The following SBF2 variants were observed in gnomAD, a reference collection of about 807,000 sequenced individuals.
SBF2 encodes myotubularin-related protein 13.
In SBF2, 112 loss-of-function variants were observed where a neutral mutation model predicts 225.2. That is an observed-to-expected ratio of 0.50 (90% CI 0.43 to 0.58). The LOEUF (loss-of-function observed/expected upper bound fraction) is 0.58. Ranked by LOEUF, SBF2 falls within the 20% of genes least tolerant of loss-of-function variation. The pLI, the probability that SBF2 is intolerant of heterozygous loss-of-function variation, is 0.00. For missense variants in SBF2, 1,996 were observed against 2,206.2 expected, an observed-to-expected ratio of 0.90 and a Z score of 1.91; for synonymous variants, 763 against 773.3, an observed-to-expected ratio of 0.99 and a Z score of 0.22.
intron 2 of SBF2, among the ~76,000 whole-genome samples, chr11:10,113,619 C>T (rs1429791345): frequency 6.6e-6 from 1 of 152,050 alleles, no homozygotes; most frequent in Non-Finnish European, 1.5e-5. Context: ...AAAACATGAT[C>T]CGTGCCCTTA....
At chr11:9,828,176 A>G (rs529895108) in intron 28 of SBF2, 2 of 1,289,760 alleles carry the variant, frequency 1.6e-6, no homozygotes, top group South Asian at 2.5e-5. Flanking sequence ...TCCTGGCACT[A>G]CCTGCTTAAG....
At chr11:10,247,754 T>G (rs1959952998) in intron 1 of SBF2, among the ~76,000 whole-genome samples, 1 of 152,026 alleles carries the variant, frequency 6.6e-6, no homozygotes, top group Non-Finnish European at 1.5e-5. Flanking sequence ...GCAAGATGGC[T>G]ACATAGAAGC....
At position 10,042,951 on chromosome 11, in the gene SBF2, T is replaced by C; in HGVS notation, c.172A>G (p.Arg58Gly). 1 of 1,613,756 alleles carries C rather than the reference T, an allele frequency of 6.2e-7. No homozygotes were observed. ...FCQPGGWQLS[R>G]ERKQPTFFVV... ...AAGAACGTTGGCTGCTTCCTCTCTC[T>C]GGACAGCTGCCACCCGCCAGGCTGA... Residue 58 changes from arginine to glycine, a missense_variant, in exon 3 of 40, where the codon AGA (arginine) becomes GGA (glycine). Transcript: ENST00000256190.
At chr11:10,240,606 A>G (rs1477595551) in intron 1 of SBF2, among the ~76,000 whole-genome samples, 1 of 152,236 alleles carries the variant, frequency 6.6e-6, no homozygotes, top group Non-Finnish European at 1.5e-5. Flanking sequence ...AGTAAAAAGC[A>G]AAATATAATT....
chr11:10,115,347 GT>G (rs1953083195), intron 2 of SBF2, among the ~76,000 whole-genome samples: 1 of 152,074 alleles, frequency 6.6e-6, no homozygotes, highest in Non-Finnish European at 1.5e-5. Flanking sequence ...ATACATTCAA[GT>G]TGTATGCTAA....
At position 10,085,056 on chromosome 11, in the gene SBF2, G is replaced by A. The variant is rs147996589; in HGVS notation, c.142-42075C>T. Among the ~76,000 whole-genome samples, 33 of 152,210 alleles carry A rather than the reference G, an allele frequency of 2.2e-4. 1 individual carries two copies. Among genetic ancestry groups the A allele is most frequent in the African/African-American group, 5.5e-4 (23 of 41,546 alleles). ...CATAATCTATGTATATAATAAAATCGCACATGCATTCCACAAATTTGTACA... is the reference window on the plus strand; with the variant it reads ...CATAATCTATGTATATAATAAAATCACACATGCATTCCACAAATTTGTACA... On this transcript the variant is annotated intron_variant, in intron 2 of 39. Transcript: ENST00000256190.
At chr11:10,232,557 CT>C (rs1565382630) in intron 1 of SBF2, among the ~76,000 whole-genome samples, 1 of 144,888 alleles carries the variant, frequency 6.9e-6, no homozygotes, top group East Asian at 2.0e-4. Flanking sequence ...TTTATTTTGT[CT>C]TAATTTTTTT....
chr11:9,932,541 A>G (rs189581931), intron 16 of SBF2, among the ~76,000 whole-genome samples: 1 of 152,300 alleles, frequency 6.6e-6, no homozygotes, highest in African/African-American at 2.4e-5. Context: ...AAGCTTCATA[A>G]ATGAAGGAGA....
chr11:9,973,749 A>G (rs979704387), intron 13 of SBF2, among the ~76,000 whole-genome samples: 4 of 152,116 alleles, frequency 2.6e-5, no homozygotes, highest in African/African-American at 9.7e-5. Flanking sequence ...GCTTGAAACT[A>G]ATTTCAAATA....
intron 2 of SBF2, among the ~76,000 whole-genome samples, chr11:10,143,318 T>C (rs887592504): frequency 6.6e-6 from 1 of 151,980 alleles, no homozygotes; most frequent in Admixed American, 6.6e-5. Flanking sequence ...ACTACAGGTG[T>C]GCGCCCACTA....
chr11:9,851,346 C>T (rs894204465), intron 21 of SBF2, among the ~76,000 whole-genome samples: 3 of 152,114 alleles, frequency 2.0e-5, no homozygotes, highest in African/African-American at 7.2e-5. Flanking sequence ...CTTTCACTTT[C>T]TACAATGTGT....
intron 3 of SBF2, among the ~76,000 whole-genome samples, chr11:10,035,732 T>A (rs1949409309): frequency 6.6e-6 from 1 of 152,144 alleles, no homozygotes; most frequent in African/African-American, 2.4e-5. Flanking sequence ...TCACACCAGT[T>A]AGAATGGTGA....
intron 1 of SBF2, among the ~76,000 whole-genome samples, chr11:10,228,018 C>T (rs1958655527): frequency 6.6e-6 from 1 of 151,158 alleles, no homozygotes; most frequent in South Asian, 2.1e-4. Context: ...TTGTAGTTCT[C>T]CTTGAAGAGG....
In SBF2 at chr11:9,791,533, A is replaced by G. The variant is rs113276840; in HGVS notation, c.4571-850T>C. 3.9e-3 allele frequency among the ~76,000 whole-genome samples: 592 copies of G among 152,306 alleles called. 3 individuals are homozygous for G. The highest frequency in any genetic ancestry group is 6.5e-3 in the Non-Finnish European group (439 of 68,020). On this transcript the variant is annotated intron_variant, in intron 33 of 39. Transcript: ENST00000256190. ...TCTCTACCTTTTAACTGCAGGGTCC[A>G]GTGCAGTAGTTCTCAACCTTGGACA... is the stretch of plus-strand genomic sequence containing the variant.
intron 39 of SBF2, 124 bp downstream of exon 39, chr11:9,781,383 T>C (rs968524560): frequency 1.6e-6 from 2 of 1,275,918 alleles, no homozygotes; most frequent in Admixed American, 1.7e-5. Flanking sequence ...ACAATTCCCA[T>C]AGCCAAGGGG....
At chr11:10,231,925 G>A (rs1052404519) in intron 1 of SBF2, among the ~76,000 whole-genome samples, 12 of 152,248 alleles carry the variant, frequency 7.9e-5, no homozygotes, top group Admixed American at 7.2e-4. Flanking sequence ...ACAGAGGCAG[G>A]CAGGCGTCCT....
At chr11:10,035,061 T>C (rs981558095) in intron 3 of SBF2, among the ~76,000 whole-genome samples, 12 of 152,122 alleles carry the variant, frequency 7.9e-5, no homozygotes, top group Non-Finnish European at 1.2e-4. Flanking sequence ...ACCTCCTGGG[T>C]TCATGCCATT....
intron 2 of SBF2, among the ~76,000 whole-genome samples, chr11:10,185,252 C>A (rs1321572296): frequency 6.6e-6 from 1 of 152,140 alleles, no homozygotes; most frequent in Non-Finnish European, 1.5e-5. Context: ...CTGTTTGAAT[C>A]CCAGCTTTCA....
rs565491708 is a variant in SBF2 at position 10,263,165 on chromosome 11, C to T, written c.55+30850G>A. On this transcript the variant is annotated intron_variant, in intron 1 of 39. Coordinates refer to ENST00000256190, the MANE Select transcript of SBF2 (RefSeq NM_030962.4). Reference sequence around the variant, plus strand: ...GCCAATTGATAAATCATTCAAGAATCTTCTGTTATCCTTTTAAATAAAAAA... The same window carrying T: ...GCCAATTGATAAATCATTCAAGAATTTTCTGTTATCCTTTTAAATAAAAAA... Among the ~76,000 whole-genome samples, 7 of 152,042 alleles carry T rather than the reference C, an allele frequency of 4.6e-5. No homozygotes were observed. In the South Asian group the frequency reaches 1.5e-3, roughly 32 times the overall value.
Sources: allele counts gnomAD v4.1 joint callset (sites outside exome capture counted in the v4.1 genomes callset), GRCh38; gene constraint gnomAD v4.1.1; transcripts MANE v1.5; gene names NCBI Gene and HGNC (gene_info 2026-07-23, HGNC 2026-07-21).